TMEM132B: variants seen among roughly 807,000 people sequenced by gnomAD.
TMEM132B encodes the protein transmembrane protein 132B.
Under a neutral mutation model 90.8 loss-of-function variants are expected in TMEM132B, and 18 were observed. The ratio of observed to expected loss-of-function variants is 0.20; its 90% CI spans 0.14 to 0.29. The LOEUF is 0.29. Ranked by LOEUF, TMEM132B falls within the 10% of genes least tolerant of loss-of-function variation. TMEM132B has a pLI of 1.00. For synonymous variants in TMEM132B, 504 were observed against 523.3 expected (o/e 0.96, Z 0.50); for missense variants, 1,096 against 1,326.8 (o/e 0.83, Z 2.70).
intron 1 of TMEM132B, among the ~76,000 whole-genome samples, chr12:125,197,442 G>A (rs1872950009): frequency 6.6e-6 from 1 of 152,164 alleles, no homozygotes; most frequent in South Asian, 2.1e-4. Context: ...CTTGTTGCTT[G>A]TTATTTTCTG....
At chr12:125,541,953 A>T (rs955325846) in intron 4 of TMEM132B, among the ~76,000 whole-genome samples, 24 of 139,142 alleles carry the variant, frequency 1.7e-4, no homozygotes, top group African/African-American at 6.3e-4. Context: ...TGAACCCGGT[A>T]GGCGGAGCTT....
At chr12:125,577,616 C>T (rs947916172) in intron 4 of TMEM132B, among the ~76,000 whole-genome samples, 1 of 150,708 alleles carries the variant, frequency 6.6e-6, no homozygotes, top group African/African-American at 2.4e-5. Flanking sequence ...TTTTTCTACT[C>T]TATTATTATT....
intron 1 of TMEM132B, among the ~76,000 whole-genome samples, chr12:125,279,995 A>T (rs1875114137): frequency 6.6e-6 from 1 of 152,190 alleles, no homozygotes; most frequent in Non-Finnish European, 1.5e-5. Flanking sequence ...AGAGGTAGGT[A>T]TTACTTTTAT....
At chr12:125,515,284 TCTCTCACACA>T (rs1373565908) in intron 3 of TMEM132B, among the ~76,000 whole-genome samples, 5 of 149,962 alleles carry the variant, frequency 3.3e-5, no homozygotes, top group African/African-American at 4.9e-5. Flanking sequence ...ACACACAAAT[TCTCTCACACA>T]CTCATACACA....
intron 3 of TMEM132B, among the ~76,000 whole-genome samples, chr12:125,505,622 C>T (rs566042631): frequency 4.6e-5 from 7 of 151,392 alleles, no homozygotes; most frequent in African/African-American, 9.7e-5. Context: ...TCGCATGAAC[C>T]GGGAGGCAGA....
chr12:125,228,242 G>A (rs909429454), intron 1 of TMEM132B, among the ~76,000 whole-genome samples: 5 of 152,216 alleles, frequency 3.3e-5, no homozygotes, highest in Non-Finnish European at 7.3e-5. Context: ...CAATGAGCTC[G>A]GACTGGCCAG....
intron 2 of TMEM132B, among the ~76,000 whole-genome samples, chr12:125,414,663 T>A (rs1301294283): frequency 6.6e-6 from 1 of 152,156 alleles, no homozygotes; most frequent in East Asian, 1.9e-4. Context: ...CGGGCCCTTG[T>A]GGTGATACCT....
At chr12:125,322,331 C>T (rs940931451) in intron 1 of TMEM132B, among the ~76,000 whole-genome samples, 2 of 152,234 alleles carry the variant, frequency 1.3e-5, no homozygotes, top group Non-Finnish European at 2.9e-5. Context: ...TGTGAGGCCT[C>T]CCCAGCCATG....
At chr12:125,634,325 G>T (rs1345783308) in intron 5 of TMEM132B, among the ~76,000 whole-genome samples, 2 of 152,198 alleles carry the variant, frequency 1.3e-5, no homozygotes, top group African/African-American at 4.8e-5. Context: ...CTGCAGGGCA[G>T]TGGGCTCCCC....
chr12:125,612,044 C>G (rs1320586428), intron 5 of TMEM132B, among the ~76,000 whole-genome samples: 3 of 152,106 alleles, frequency 2.0e-5, no homozygotes, highest in South Asian at 2.1e-4. Context: ...TATTTATTCT[C>G]TCAGTTCTGT....
At chr12:125,478,576 A>G (rs888896335) in intron 3 of TMEM132B, among the ~76,000 whole-genome samples, 3 of 152,240 alleles carry the variant, frequency 2.0e-5, no homozygotes, top group African/African-American at 7.2e-5. Context: ...GAGTAAAAAC[A>G]AATGAACAAA....
intron 2 of TMEM132B, among the ~76,000 whole-genome samples, chr12:125,402,864 T>A (rs1300149411): frequency 2.0e-5 from 3 of 148,714 alleles, no homozygotes; most frequent in African/African-American, 7.3e-5. Context: ...TACATATAAT[T>A]TTTTTTTTCT....
intron 1 of TMEM132B, among the ~76,000 whole-genome samples, chr12:125,203,235 C>G (rs1873105997): frequency 6.6e-6 from 1 of 152,158 alleles, no homozygotes; most frequent in Admixed American, 6.5e-5. Context: ...CTTCCTTGTC[C>G]CCATCCCTTC....
At chr12:125,449,681 G>GT (rs5801598) in intron 3 of TMEM132B, among the ~76,000 whole-genome samples, 60,238 of 147,684 alleles carry the variant, frequency 0.41, 12,834 homozygotes, top group East Asian at 0.58. Flanking sequence ...AAATTGTGGG[G>GT]TTTTTTTTTT....
intron 3 of TMEM132B, among the ~76,000 whole-genome samples, chr12:125,515,213 C>T (rs1883084380): frequency 6.7e-6 from 1 of 150,030 alleles, no homozygotes; most frequent in Non-Finnish European, 1.5e-5. Context: ...CTCAAACACA[C>T]ACGTTCACAC....
chr12:125,477,944 A>G (rs182590960), intron 3 of TMEM132B, among the ~76,000 whole-genome samples: 5 of 152,342 alleles, frequency 3.3e-5, no homozygotes, highest in African/African-American at 1.2e-4. Context: ...GCTGTTCTGC[A>G]GCCTCCACTG....
intron 1 of TMEM132B, chr12:125,326,500 C>A (rs926568795): frequency 3.8e-5 from 44 of 1,145,846 alleles, no homozygotes; most frequent in Middle Eastern, 1.9e-4. Flanking sequence ...GTTGTCCTGG[C>A]AACCTGTATA....
chr12:125,243,785 C>T (rs911024215), intron 1 of TMEM132B, among the ~76,000 whole-genome samples: 10 of 152,192 alleles, frequency 6.6e-5, no homozygotes, highest in African/African-American at 2.4e-4. Flanking sequence ...TTAGCTCCCA[C>T]TTGTAAGTGT....
At chr12:125,523,877 C>A (rs548518667) in intron 4 of TMEM132B, among the ~76,000 whole-genome samples, 1 of 152,334 alleles carries the variant, frequency 6.6e-6, no homozygotes, top group South Asian at 2.1e-4. Flanking sequence ...TTTCATTGTG[C>A]TTGGCTCTTC....
Sources: allele counts gnomAD v4.1 joint callset (sites outside exome capture counted in the v4.1 genomes callset), GRCh38; gene constraint gnomAD v4.1.1; transcripts MANE v1.5; gene names NCBI Gene and HGNC (gene_info 2026-07-23, HGNC 2026-07-21).